CNTN5: variants seen among roughly 807,000 people sequenced by gnomAD.
CNTN5 encodes contactin-5.
A neutral mutation model predicts 129.1 loss-of-function variants in CNTN5; 77 were observed. That is an observed-to-expected ratio of 0.60 (90% confidence interval 0.50 to 0.72). CNTN5 has a LOEUF of 0.72. CNTN5 is among the 30% of genes least tolerant of loss of function. The probability of loss-of-function intolerance (pLI) is 0.00; values close to 1 mark genes in which losing one functional copy is unlikely to be tolerated. For synonymous variants in CNTN5, 509 were observed against 465.6 expected (o/e 1.09, Z -1.20); for missense variants, 1,478 against 1,328.8 (o/e 1.11, Z -1.75).
chr11:99,332,570 A>C (rs561010801), intron 2 of CNTN5, among the ~76,000 whole-genome samples: 1 of 152,160 alleles, frequency 6.6e-6, no homozygotes, highest in East Asian at 1.9e-4. Context: ...TTTATTTACA[A>C]ATTATTTCTC....
At chr11:99,867,519 G>A (rs1223916570) in intron 6 of CNTN5, among the ~76,000 whole-genome samples, 1 of 152,142 alleles carries the variant, frequency 6.6e-6, no homozygotes. Flanking sequence ...GAAAATCAAT[G>A]TTCTTAGATT....
At chr11:99,728,595 A>G (rs1213713255) in intron 3 of CNTN5, among the ~76,000 whole-genome samples, 1 of 152,218 alleles carries the variant, frequency 6.6e-6, no homozygotes, top group East Asian at 1.9e-4. Flanking sequence ...GCAGCCTCAT[A>G]GTGATGTAGA....
intron 3 of CNTN5, among the ~76,000 whole-genome samples, chr11:99,617,975 A>G (rs891870858): frequency 6.6e-6 from 1 of 152,214 alleles, no homozygotes; most frequent in African/African-American, 2.4e-5. Context: ...CCCCTAATAC[A>G]GTATCTCACA....
chr11:100,199,786 A>G (rs1948731357), intron 15 of CNTN5, among the ~76,000 whole-genome samples: 1 of 151,966 alleles, frequency 6.6e-6, no homozygotes, highest in South Asian at 2.1e-4. Context: ...ATGTTATTCT[A>G]TAATATTTCA....
At chr11:99,870,632 G>A (rs1188222349) in intron 6 of CNTN5, among the ~76,000 whole-genome samples, 1 of 152,076 alleles carries the variant, frequency 6.6e-6, no homozygotes, top group South Asian at 2.1e-4. Context: ...AGACCTCTGG[G>A]TCAGAAAATT....
chr11:99,554,664 T>C (rs1948607937), intron 2 of CNTN5, among the ~76,000 whole-genome samples: 2 of 152,118 alleles, frequency 1.3e-5, no homozygotes, highest in Non-Finnish European at 2.9e-5. Context: ...CTTCTCAGAA[T>C]TCACAATTTC....
intron 1 of CNTN5, among the ~76,000 whole-genome samples, chr11:99,037,581 T>C (rs13377363): frequency 0.044 from 5,480 of 125,482 alleles, 207 homozygotes; most frequent in African/African-American, 0.13. Flanking sequence ...CTTTTCTTTT[T>C]TTTTTTTTTT....
intron 1 of CNTN5, among the ~76,000 whole-genome samples, chr11:99,107,780 A>C (rs926282239): frequency 3.3e-5 from 5 of 151,610 alleles, no homozygotes; most frequent in African/African-American, 1.2e-4. Flanking sequence ...AAATACAAAA[A>C]ATTAGCCGGG....
At chr11:99,872,254 T>A (rs1481521307) in intron 6 of CNTN5, among the ~76,000 whole-genome samples, 1 of 152,110 alleles carries the variant, frequency 6.6e-6, no homozygotes, top group Admixed American at 6.6e-5. Context: ...AATTTGAAAT[T>A]GGCTTTTGTT....
At position 99,595,759 on chromosome 11, in the gene CNTN5, CAT is replaced by C. The variant is rs34266877; in HGVS notation, c.55+39505_55+39506del. Among the ~76,000 whole-genome samples the C allele has an allele frequency of 1.1e-3, 163 of 149,496 alleles. 1 individual carries two copies. Among genetic ancestry groups the C allele is most frequent in the African/African-American group, 3.6e-3 (149 of 40,836 alleles). On this transcript the variant is annotated intron_variant, in intron 3 of 24. Coordinates refer to ENST00000524871, the MANE Select transcript of CNTN5 (RefSeq NM_014361.4). ...TACTTCACTGAATTCCTCCTTCTGC[CAT>C]ATATATATATATATGACTGTATATA...
At chr11:99,482,897 G>A (rs1388138429) in intron 2 of CNTN5, among the ~76,000 whole-genome samples, 1 of 152,004 alleles carries the variant, frequency 6.6e-6, no homozygotes, top group Non-Finnish European at 1.5e-5. Flanking sequence ...TATGCTAAAC[G>A]ACTCCTATCC....
intron 20 of CNTN5, among the ~76,000 whole-genome samples, chr11:100,303,496 C>G (rs902777906): frequency 6.6e-6 from 1 of 151,440 alleles, no homozygotes; most frequent in Admixed American, 6.6e-5. Flanking sequence ...TTCAATTAAA[C>G]CTAATAGAAA....
chr11:99,636,059 A>C (rs974271907), intron 3 of CNTN5, among the ~76,000 whole-genome samples: 12 of 151,492 alleles, frequency 7.9e-5, no homozygotes, highest in Admixed American at 7.2e-4. Context: ...AAAAGGACTG[A>C]AGTAGAAAAC....
At chr11:99,992,944 T>C (rs1402007442) in intron 8 of CNTN5, among the ~76,000 whole-genome samples, 1 of 152,076 alleles carries the variant, frequency 6.6e-6, no homozygotes, top group East Asian at 1.9e-4. Flanking sequence ...AGACACACAT[T>C]GAGTGTTTCT....
intron 3 of CNTN5, among the ~76,000 whole-genome samples, chr11:99,641,740 T>C (rs901042892): frequency 5.3e-5 from 8 of 152,202 alleles, no homozygotes; most frequent in African/African-American, 1.9e-4. Context: ...AAACCTCAAC[T>C]TAAACCTGGG....
intron 9 of CNTN5, among the ~76,000 whole-genome samples, chr11:100,040,416 A>C (rs1299847890): frequency 6.6e-6 from 1 of 152,230 alleles, no homozygotes; most frequent in Non-Finnish European, 1.5e-5. Context: ...CTCGGGGGTC[A>C]TGGACCCACT....
intron 1 of CNTN5, among the ~76,000 whole-genome samples, chr11:99,242,567 T>C (rs1223623694): frequency 6.6e-6 from 1 of 152,078 alleles, no homozygotes; most frequent in Non-Finnish European, 1.5e-5. Flanking sequence ...AGGTTTGAGA[T>C]ACAAAAGATT....
At chr11:99,202,102 A>C (rs1859239514) in intron 1 of CNTN5, among the ~76,000 whole-genome samples, 1 of 152,206 alleles carries the variant, frequency 6.6e-6, no homozygotes, top group Non-Finnish European at 1.5e-5. Flanking sequence ...TTTTATGATC[A>C]GTTCATTTTT....
chr11:100,133,950 G>A (rs1946451834), intron 13 of CNTN5, among the ~76,000 whole-genome samples: 1 of 151,976 alleles, frequency 6.6e-6, no homozygotes, highest in Admixed American at 6.6e-5. Context: ...ATTTATAGAT[G>A]GAAGAACCAG....
Sources: gnomAD v4.1 joint callset for allele counts (sites outside exome capture counted in the v4.1 genomes callset) on GRCh38, gnomAD v4.1.1 for gene constraint, MANE v1.5 for transcripts, NCBI Gene and HGNC (gene_info 2026-07-23, HGNC 2026-07-21) for gene names.